The following PTPRD variants were observed in gnomAD, a reference collection of about 807,000 sequenced individuals.
PTPRD encodes the protein receptor-type tyrosine-protein phosphatase delta.
Under a neutral mutation model 214.5 loss-of-function variants are expected in PTPRD, and 34 were observed. That is an observed-to-expected ratio of 0.16 (90% CI 0.12 to 0.21). The LOEUF (loss-of-function observed/expected upper bound fraction) is 0.21. PTPRD is among the 10% of genes least tolerant of loss of function. The pLI is 1.00. For synonymous variants in PTPRD, 1,128 were observed against 845.7 expected, an observed-to-expected ratio of 1.33 and a Z score of -5.79; for missense variants, 2,545 against 2,398.7, an observed-to-expected ratio of 1.06 and a Z score of -1.27.
intron 8 of PTPRD, among the ~76,000 whole-genome samples, chr9:9,437,190 A>G (rs2085617641): frequency 6.6e-6 from 1 of 152,212 alleles, no homozygotes; most frequent in African/African-American, 2.4e-5. Flanking sequence ...CAAACAACGA[A>G]ATATCAGAGA....
chr9:9,241,491 C>G (rs2099970314), intron 9 of PTPRD, among the ~76,000 whole-genome samples: 1 of 152,042 alleles, frequency 6.6e-6, no homozygotes, highest in South Asian at 2.1e-4. Flanking sequence ...CTTTGAGAAA[C>G]TAAGGTAAAC....
chr9:10,076,567 G>C (rs150697076), intron 3 of PTPRD, among the ~76,000 whole-genome samples: 283 of 152,106 alleles, frequency 1.9e-3, no homozygotes, highest in African/African-American at 6.5e-3. Context: ...TCACTGTTTG[G>C]TGCTTCTTGG....
At chr9:9,768,575 CT>C (rs749286101) in intron 5 of PTPRD, among the ~76,000 whole-genome samples, 6 of 151,188 alleles carry the variant, frequency 4.0e-5, no homozygotes, top group East Asian at 1.9e-4. Flanking sequence ...AATGGCAGTA[CT>C]TTTTTTTTGG....
intron 8 of PTPRD, among the ~76,000 whole-genome samples, chr9:9,486,416 C>T (rs2095639957): frequency 6.6e-6 from 1 of 152,066 alleles, no homozygotes; most frequent in African/African-American, 2.4e-5. Context: ...AACAAAACTT[C>T]ATGTCTTTCA....
At chr9:8,961,887 C>T (rs1426129619) in intron 11 of PTPRD, among the ~76,000 whole-genome samples, 2 of 151,982 alleles carry the variant, frequency 1.3e-5, no homozygotes, top group African/African-American at 4.8e-5. Context: ...GCATGAAAAC[C>T]CCACTTCCAA....
intron 31 of PTPRD, 124 bp downstream of exon 31, chr9:8,470,871 C>A: frequency 1.3e-6 from 1 of 795,106 alleles, no homozygotes; most frequent in Non-Finnish European, 2.2e-6. Flanking sequence ...CTGAACCATC[C>A]AACCAGCTAG....
chr9:9,455,980 T>C (rs995502860), intron 8 of PTPRD, among the ~76,000 whole-genome samples: 1 of 151,770 alleles, frequency 6.6e-6, no homozygotes, highest in African/African-American at 2.4e-5. Flanking sequence ...ATTTAACCCA[T>C]TAATATTACT....
At chr9:9,004,570 G>A (rs540064804) in intron 11 of PTPRD, among the ~76,000 whole-genome samples, 66 of 151,866 alleles carry the variant, frequency 4.3e-4, no homozygotes, top group African/African-American at 1.5e-3. Flanking sequence ...TTCTCTTCCT[G>A]ACATTCTTTA....
chr9:9,247,078 C>T (rs868537484), intron 9 of PTPRD, among the ~76,000 whole-genome samples: 4 of 151,950 alleles, frequency 2.6e-5, no homozygotes, highest in Non-Finnish European at 4.4e-5. Context: ...CAAAGCAAAC[C>T]GTAAAGTCTA....
At chr9:9,685,234 T>C (rs1158824063) in intron 7 of PTPRD, among the ~76,000 whole-genome samples, 1 of 149,246 alleles carries the variant, frequency 6.7e-6, no homozygotes, top group East Asian at 2.0e-4. Flanking sequence ...TGTGTGGTTA[T>C]TTTTGTATAG....
intron 3 of PTPRD, among the ~76,000 whole-genome samples, chr9:10,114,484 C>A (rs1373014477): frequency 2.0e-5 from 3 of 151,986 alleles, no homozygotes; most frequent in African/African-American, 7.2e-5. Context: ...CTCTCGCTCG[C>A]TCTCACTCTC....
intron 11 of PTPRD, among the ~76,000 whole-genome samples, chr9:8,739,418 T>C (rs955865518): frequency 2.0e-5 from 3 of 152,254 alleles, no homozygotes; most frequent in Admixed American, 1.3e-4. Context: ...TGACTAATAA[T>C]TGACCACTTT....
At chr9:9,661,577 A>T (rs2096622826) in intron 7 of PTPRD, among the ~76,000 whole-genome samples, 1 of 151,882 alleles carries the variant, frequency 6.6e-6, no homozygotes, top group Non-Finnish European at 1.5e-5. Context: ...GAATTTTCAT[A>T]TATGCTGTTT....
chr9:9,323,560 T>C (rs1262344287), intron 9 of PTPRD, among the ~76,000 whole-genome samples: 1 of 152,142 alleles, frequency 6.6e-6, no homozygotes, highest in African/African-American at 2.4e-5. Context: ...CACTATTGAA[T>C]GAGTATCTGA....
chr9:9,466,809 TTTGTGATGTG>T (rs2094195065), intron 8 of PTPRD, among the ~76,000 whole-genome samples: 1 of 152,190 alleles, frequency 6.6e-6, no homozygotes, highest in African/African-American at 2.4e-5. Context: ...ATTGCTACAA[TTTGTGATGTG>T]TTGTCTTCTT....
intron 12 of PTPRD, among the ~76,000 whole-genome samples, chr9:8,727,415 T>C (rs2098596949): frequency 6.6e-6 from 1 of 152,224 alleles, no homozygotes; most frequent in Non-Finnish European, 1.5e-5. Context: ...TTCAGACAGC[T>C]GGATGCTGCT....
chr9:9,274,049 C>T (rs1944008400), intron 9 of PTPRD, among the ~76,000 whole-genome samples: 1 of 151,182 alleles, frequency 6.6e-6, no homozygotes. Context: ...CTTTTATGAA[C>T]AGGTCTTGCA....
intron 8 of PTPRD, among the ~76,000 whole-genome samples, chr9:9,556,225 T>C (rs1478773639): frequency 6.6e-6 from 1 of 151,972 alleles, no homozygotes; most frequent in Non-Finnish European, 1.5e-5. Flanking sequence ...AAAGCGAAAA[T>C]ATATTTACTG....
intron 11 of PTPRD, among the ~76,000 whole-genome samples, chr9:8,925,192 T>G (rs72706235): frequency 6.6e-6 from 1 of 152,146 alleles, no homozygotes; most frequent in East Asian, 1.9e-4. Flanking sequence ...TATGTGATGA[T>G]GCAGCCAACG....
Sources: allele counts gnomAD v4.1 joint callset (sites outside exome capture counted in the v4.1 genomes callset), GRCh38; gene constraint gnomAD v4.1.1; transcripts MANE v1.5; gene names NCBI Gene and HGNC (gene_info 2026-07-23, HGNC 2026-07-21).